Variants in MMAA observed in about 807,000 individuals in gnomAD.
MMAA encodes the protein methylmalonic aciduria type A protein, mitochondrial.
Under a neutral mutation model 45.0 loss-of-function variants are expected in MMAA, and 41 were observed. The ratio of observed to expected loss-of-function variants is 0.91; its 90% CI spans 0.71 to 1.18. The LOEUF (loss-of-function observed/expected upper bound fraction) is 1.18. Ranked by LOEUF, MMAA falls within the 50% of genes most tolerant of loss-of-function variation. The probability of loss-of-function intolerance (pLI) is 0.00; values close to 1 mark genes in which losing one functional copy is unlikely to be tolerated. For missense variants in MMAA, 460 were observed against 495.7 expected, an observed-to-expected ratio of 0.93 and a Z score of 0.68; for synonymous variants, 154 against 178.2, an observed-to-expected ratio of 0.86 and a Z score of 1.08.
chr4:145,624,383 G>T, intron 1 of MMAA: 1 of 782,134 alleles, frequency 1.3e-6, no homozygotes, highest in South Asian at 1.4e-5. Flanking sequence ...TTCCCAGCAG[G>T]AGCCAGTCAG....
chr4:145,644,222 T>G (rs561632871), intron 3 of MMAA, among the ~76,000 whole-genome samples: 24 of 152,206 alleles, frequency 1.6e-4, no homozygotes, highest in Non-Finnish European at 3.1e-4. Context: ...TTTACTTCAG[T>G]GTGATGGGAT....
At position 145,624,643 on chromosome 4, in the gene MMAA, A is replaced by G. The variant is rs1560790140; in HGVS notation, c.-66+5236A>G. The G allele has an allele frequency of 3.5e-6, 5 of 1,434,758 alleles. No homozygotes were observed. The East Asian group carries it at 9.1e-5, about 26-fold the overall frequency. 88.9% of individuals were successfully genotyped at this position (1,434,758 alleles called of 1,614,324 possible). ...ACTTCTTTACTAGAAGGACAGAGCC[A>G]CATATTCAGGGAATCTTTATGTTTC... On this transcript the variant is annotated intron_variant, in intron 1 of 6. Coordinates refer to ENST00000649156, the MANE Select transcript of MMAA (RefSeq NM_172250.3).
chr4:145,625,853 T>C (rs1319092921), intron 1 of MMAA: 8 of 1,317,778 alleles, frequency 6.1e-6, no homozygotes, highest in Non-Finnish European at 6.5e-6. Context: ...TTCTAAGACG[T>C]TCCAGATGAC....
intron 1 of MMAA, among the ~76,000 whole-genome samples, chr4:145,623,238 C>T (rs112986421): frequency 6.6e-6 from 1 of 152,264 alleles, no homozygotes; most frequent in African/African-American, 2.4e-5. Flanking sequence ...TGGTTAAAAG[C>T]ACCAGGTGTC....
chr4:145,642,398 T>C lies in MMAA; in HGVS notation c.475T>C (p.Phe159Leu). The C allele has an allele frequency of 6.2e-7, 1 of 1,614,112 alleles. No individual in the cohort carries two copies. The highest frequency in any genetic ancestry group is 8.5e-7 in the Non-Finnish European group (1 of 1,179,978). ...SGPPGAGKSTFIEYFGKMLTE... is the reference protein window; with the variant it reads ...SGPPGAGKSTLIEYFGKMLTE... ...GCCCCCTGGTGCTGGAAAATCAACA[T>C]TTATAGAATATTTTGGAAAAATGCT... The change falls in exon 3 of 7, where the codon TTT (phenylalanine) becomes CTT (leucine). Residue 159 changes from phenylalanine to leucine, a missense_variant. By Grantham distance (22) the Phe-to-Leu change is conservative. Transcript: ENST00000649156.
intron 1 of MMAA, among the ~76,000 whole-genome samples, chr4:145,632,177 T>A (rs1727461696): frequency 6.6e-6 from 1 of 152,262 alleles, no homozygotes; most frequent in Non-Finnish European, 1.5e-5. Context: ...TTAGCATTTC[T>A]TGTAGGAAAG....
chr4:145,629,535 A>T (rs181234346), intron 1 of MMAA, among the ~76,000 whole-genome samples: 1 of 152,270 alleles, frequency 6.6e-6, no homozygotes, highest in East Asian at 1.9e-4. Context: ...TGACATACCT[A>T]AAAAAAGAGT....
At chr4:145,624,203 C>T in intron 1 of MMAA, 3 of 846,310 alleles carry the variant, frequency 3.5e-6, no homozygotes, top group Non-Finnish European at 6.3e-6. Context: ...TTTTTATCAA[C>T]TTTAAGCTGC....
intron 1 of MMAA, among the ~76,000 whole-genome samples, chr4:145,621,276 T>A (rs1734083372): frequency 6.6e-6 from 1 of 152,170 alleles, no homozygotes; most frequent in Admixed American, 6.5e-5. Context: ...AAGCCTGGAT[T>A]TGAAATAGGG....
At chr4:145,625,801 G>T in intron 1 of MMAA, 1 of 1,148,950 alleles carries the variant, frequency 8.7e-7, no homozygotes, top group Non-Finnish European at 1.3e-6. Flanking sequence ...TCTTTAAGCT[G>T]ATAGATGAGG....
intron 1 of MMAA, among the ~76,000 whole-genome samples, chr4:145,620,555 T>G (rs1223323844): frequency 6.6e-6 from 1 of 152,200 alleles, no homozygotes; most frequent in African/African-American, 2.4e-5. Context: ...AACACACACC[T>G]TCTGTGGGTG....
Position 145,658,942 on chromosome 4 carries a change from T to C in MMAA, c.*3508T>C, listed in dbSNP as rs1728309809. On this transcript the variant is annotated 3_prime_UTR_variant, in exon 7 of 7. Transcript: ENST00000649156. ...CTTCCTACGCCAGACTTTATGAAAC[T>C]CCTCCTAAAGTTGAATTCTTATCCA... The C allele has an allele frequency of 6.6e-6, 1 of 152,174 alleles. No individual in the cohort carries two copies. The highest frequency in any genetic ancestry group is 2.4e-5 in the African/African-American group (1 of 41,432). The allele number at this position is 152,174 out of a possible 1,614,324, so 9.4% of individuals were successfully genotyped here.
At chr4:145,637,847 G>A (rs1424140385) in intron 1 of MMAA, among the ~76,000 whole-genome samples, 1 of 152,116 alleles carries the variant, frequency 6.6e-6, no homozygotes, top group African/African-American at 2.4e-5. Context: ...TACAAGAATT[G>A]TCATTTTGCT....
At chr4:145,625,919 C>T in intron 1 of MMAA, 1 of 1,585,674 alleles carries the variant, frequency 6.3e-7, no homozygotes, top group African/African-American at 1.3e-5. Context: ...CTTTAATTTG[C>T]TGTTCAGCCT....
chr4:145,641,308 T>C (rs1727774329), intron 2 of MMAA, among the ~76,000 whole-genome samples: 1 of 152,222 alleles, frequency 6.6e-6, no homozygotes, highest in Non-Finnish European at 1.5e-5. Context: ...CAGATAACTT[T>C]GTAGTGCTAT....
chr4:145,645,473 A>G (rs191246458), intron 3 of MMAA, among the ~76,000 whole-genome samples: 18 of 152,344 alleles, frequency 1.2e-4, no homozygotes, highest in African/African-American at 4.3e-4. Flanking sequence ...CTTGTGATGT[A>G]GCTGAGGAAA....
rs550490565 is a variant in MMAA, at chr4:145,621,599, G to C, written c.-66+2192G>C. Among the ~76,000 whole-genome samples, 8 of 152,212 alleles carry C rather than the reference G, an allele frequency of 5.3e-5. No individual in the cohort carries two copies. The South Asian group carries it at 1.7e-3, about 32-fold the overall frequency. ...AATAAAGCCTTCTGTGGTTGGGGGG[G>C]GTGGAATATGGTAAACAGATTAATG... On this transcript the variant is annotated intron_variant, in intron 1 of 6. Coordinates refer to ENST00000649156, the MANE Select transcript of MMAA (RefSeq NM_172250.3).
intron 6 of MMAA, 82 bp from the exon 7 acceptor site, chr4:145,655,065 T>A: frequency 9.5e-6 from 14 of 1,476,380 alleles, no homozygotes; most frequent in Non-Finnish European, 1.2e-5. Flanking sequence ...ACCGTAAGAA[T>A]TAACTGGCAG....
At chr4:145,637,911 GCA>G (rs1368264483) in intron 1 of MMAA, among the ~76,000 whole-genome samples, 4 of 152,172 alleles carry the variant, frequency 2.6e-5, no homozygotes, top group Non-Finnish European at 1.5e-5. Context: ...GGAAGCTGAG[GCA>G]CAGAGTGGTC....
Sources: allele counts gnomAD v4.1 joint callset (sites outside exome capture counted in the v4.1 genomes callset), GRCh38; gene constraint gnomAD v4.1.1; transcripts MANE v1.5; gene names NCBI Gene and HGNC (gene_info 2026-07-23, HGNC 2026-07-21).